Variants in SMOC1 observed in about 807,000 individuals in gnomAD.
SMOC1 encodes the protein SPARC-related modular calcium-binding protein 1.
A neutral mutation model predicts 56.3 loss-of-function variants in SMOC1; 22 were observed. The ratio of observed to expected loss-of-function variants is 0.39; its 90% CI spans 0.28 to 0.56. SMOC1 has a LOEUF of 0.56. SMOC1 is among the 20% of genes least tolerant of loss of function. The probability of loss-of-function intolerance (pLI) is 0.61; values close to 1 mark genes in which losing one functional copy is unlikely to be tolerated. For missense variants in SMOC1, 509 were observed against 565.4 expected (o/e 0.90, Z 1.01); for synonymous variants, 193 against 215.0 (o/e 0.90, Z 0.89).
intron 3 of SMOC1, among the ~76,000 whole-genome samples, chr14:69,954,674 G>A (rs1204150283): frequency 6.6e-6 from 1 of 152,188 alleles, no homozygotes; most frequent in Admixed American, 6.5e-5. Context: ...CACTGGACAA[G>A]GATGAGCTTA....
At chr14:69,950,137 G>A (rs1429578558) in intron 1 of SMOC1, among the ~76,000 whole-genome samples, 2 of 152,246 alleles carry the variant, frequency 1.3e-5, no homozygotes, top group East Asian at 1.9e-4. Flanking sequence ...AGCCCAAGGT[G>A]TCTGAAGAGA....
chr14:69,949,431 C>T (rs1882913712), intron 1 of SMOC1, among the ~76,000 whole-genome samples: 1 of 152,172 alleles, frequency 6.6e-6, no homozygotes, highest in Non-Finnish European at 1.5e-5. Flanking sequence ...TGTTCACAGG[C>T]AAAGCAGACA....
At chr14:70,003,608 G>A (rs938577334) in intron 7 of SMOC1, among the ~76,000 whole-genome samples, 1 of 152,178 alleles carries the variant, frequency 6.6e-6, no homozygotes, top group South Asian at 2.1e-4. Flanking sequence ...AGATTCCATG[G>A]CTCTCCTATG....
At chr14:69,980,507 C>T (rs967969788) in intron 5 of SMOC1, among the ~76,000 whole-genome samples, 3 of 152,200 alleles carry the variant, frequency 2.0e-5, no homozygotes, top group African/African-American at 4.8e-5. Context: ...CTATGGGCAG[C>T]GCAGTGAAGA....
At chr14:69,924,059 G>C (rs1046088026) in intron 1 of SMOC1, among the ~76,000 whole-genome samples, 22 of 152,240 alleles carry the variant, frequency 1.4e-4, no homozygotes, top group African/African-American at 5.3e-4. Flanking sequence ...ATCCGCTACA[G>C]ATATCCAAGA....
At chr14:69,944,614 A>G (rs1173785625) in intron 1 of SMOC1, among the ~76,000 whole-genome samples, 5 of 152,200 alleles carry the variant, frequency 3.3e-5, no homozygotes, top group Admixed American at 2.6e-4. Context: ...GTTCTTACTC[A>G]AGTGCATGCG....
At chr14:69,946,281 C>A (rs996214148) in intron 1 of SMOC1, among the ~76,000 whole-genome samples, 2 of 152,128 alleles carry the variant, frequency 1.3e-5, no homozygotes, top group African/African-American at 4.8e-5. Context: ...AAAGGCAGCC[C>A]CCAGTCAGTA....
chr14:69,911,902 A>G (rs149887652), intron 1 of SMOC1, among the ~76,000 whole-genome samples: 4 of 152,272 alleles, frequency 2.6e-5, no homozygotes, highest in African/African-American at 9.6e-5. Flanking sequence ...TGGTAAATGT[A>G]TGGCTAACTT....
In SMOC1 at chr14:70,013,529, T is replaced by C. The variant is rs1885481; in HGVS notation, c.1046+38T>C. On this transcript the variant is annotated intron_variant, in intron 10 of 11. Transcript: ENST00000361956. ...GCAGGAATCAGGCCCAGGAGAAAAATGTGGGGCCCCTGACTTTTCAAATGC... is the reference window on the plus strand; with the variant it reads ...GCAGGAATCAGGCCCAGGAGAAAAACGTGGGGCCCCTGACTTTTCAAATGC... 826 of 1,593,550 alleles carry C rather than the reference T, an allele frequency of 5.2e-4. 2 individuals carry two copies. In the African/African-American group the frequency reaches 8.1e-3, roughly 16 times the overall value.
intron 5 of SMOC1, among the ~76,000 whole-genome samples, chr14:69,980,488 C>T (rs1884138723): frequency 6.6e-6 from 1 of 152,188 alleles, no homozygotes; most frequent in Admixed American, 6.5e-5. Flanking sequence ...ATCCTCTTCT[C>T]TTTGTCTGCT....
chr14:70,030,110 G>A (rs961953795), intron 11 of SMOC1, 132 bp from the exon 12 acceptor site: 1 of 1,359,968 alleles, frequency 7.4e-7, no homozygotes, highest in Non-Finnish European at 1.0e-6. Context: ...AGGACAGCAG[G>A]TGGAAAAGGC....
At chr14:69,979,999 C>T (rs1035338797) in intron 5 of SMOC1, among the ~76,000 whole-genome samples, 1 of 152,216 alleles carries the variant, frequency 6.6e-6, no homozygotes, top group African/African-American at 2.4e-5. Flanking sequence ...TGGCTTTGCA[C>T]CCTGTGGACA....
intron 1 of SMOC1, among the ~76,000 whole-genome samples, chr14:69,930,849 C>A (rs187295599): frequency 9.2e-5 from 14 of 152,340 alleles, no homozygotes; most frequent in Non-Finnish European, 1.8e-4. Context: ...TAGGCTGGAA[C>A]CAGAGATGGC....
At chr14:70,020,860 A>G (rs984884052) in intron 10 of SMOC1, among the ~76,000 whole-genome samples, 8 of 152,166 alleles carry the variant, frequency 5.3e-5, no homozygotes, top group African/African-American at 1.9e-4. Flanking sequence ...CAGAAGAAGA[A>G]CTGCTTCTTG....
chr14:70,002,456 G>C (rs1298928649), intron 7 of SMOC1, among the ~76,000 whole-genome samples: 3 of 152,180 alleles, frequency 2.0e-5, no homozygotes, highest in East Asian at 1.9e-4. Flanking sequence ...TGCCCTGGTA[G>C]AGCCTTTCCT....
At chr14:69,940,791 G>A (rs1485874646) in intron 1 of SMOC1, among the ~76,000 whole-genome samples, 1 of 146,068 alleles carries the variant, frequency 6.8e-6, no homozygotes, top group Non-Finnish European at 1.5e-5. Flanking sequence ...AAAATATCTG[G>A]ATCCCTGGGT....
At chr14:69,888,601 A>G (rs1325451589) in intron 1 of SMOC1, among the ~76,000 whole-genome samples, 1 of 152,174 alleles carries the variant, frequency 6.6e-6, no homozygotes, top group Admixed American at 6.5e-5. Flanking sequence ...TTGAACAACT[A>G]CGCCTCGCCT....
intron 7 of SMOC1, 86 bp downstream of exon 7, chr14:69,994,566 G>A (rs1430390449): frequency 1.3e-5 from 14 of 1,066,912 alleles, no homozygotes; most frequent in Non-Finnish European, 1.9e-5. Context: ...TGTGGGTTTG[G>A]AAAAATCATT....
intron 5 of SMOC1, among the ~76,000 whole-genome samples, chr14:69,980,049 T>C (rs979169202): frequency 6.6e-6 from 1 of 151,968 alleles, no homozygotes; most frequent in Non-Finnish European, 1.5e-5. Context: ...AGGCTCTCAC[T>C]GGTCCAGCTG....
Sources: allele counts gnomAD v4.1 joint callset (sites outside exome capture counted in the v4.1 genomes callset), GRCh38; gene constraint gnomAD v4.1.1; transcripts MANE v1.5; gene names NCBI Gene and HGNC (gene_info 2026-07-23, HGNC 2026-07-21).